The following DNAJB2 variants were observed in gnomAD, a reference collection of about 807,000 sequenced individuals.
DNAJB2 encodes dnaJ homolog subfamily B member 2.
Under a neutral mutation model 33.3 loss-of-function variants are expected in DNAJB2, and 19 were observed. That is an observed-to-expected ratio of 0.57 (90% CI 0.40 to 0.84). DNAJB2 has a LOEUF of 0.84. Among genes scored for constraint, DNAJB2 ranks in the 40% least tolerant of loss-of-function variants. The pLI is 0.00. For synonymous variants in DNAJB2, 172 were observed against 164.6 expected (o/e 1.04, Z -0.34); for missense variants, 368 against 430.9 (o/e 0.85, Z 1.29).
chr2:219,282,836 G>T lies in DNAJB2; in HGVS notation c.353-1G>T. 1 of 1,572,672 alleles carries T rather than the reference G, an allele frequency of 6.4e-7. No homozygotes were observed. Among genetic ancestry groups the T allele is most frequent in the Non-Finnish European group, 8.6e-7 (1 of 1,165,088 alleles). The stretch of plus-strand genomic sequence containing the variant: ...ACTGCTAATCTGTTTACTTGTTGCA[G>T]ATGACCTGGGCCCCTTCTCAGAGCT... On this transcript the variant is annotated splice_acceptor_variant, in intron 5 of 8. Transcript: ENST00000336576. LOFTEE classifies it high-confidence loss of function.
chr2:219,284,554 G>T (rs189903351), intron 8 of DNAJB2, 78 bp from the exon 9 acceptor site: 2 of 1,509,076 alleles, frequency 1.3e-6, no homozygotes, highest in Non-Finnish European at 1.8e-6. Flanking sequence ...AGTGGTCAGG[G>T]TTGTTACTGT....
Position 219,285,556 on chromosome 2 carries a change from T to G in DNAJB2, c.*569T>G. 9.7e-7 allele frequency: 1 copy of G among 1,028,438 alleles called. No homozygotes were observed. The highest frequency in any genetic ancestry group is 1.2e-6 in the Non-Finnish European group (1 of 857,356). 63.7% of individuals were successfully genotyped at this position (1,028,438 alleles called of 1,614,324 possible). ...TGCAACTCCCTGCGGGCCGCATCGC[T>G]TGCTTTCACTGCCGTCTGGCTAGGA... On this transcript the variant is annotated 3_prime_UTR_variant, in exon 9 of 9. Coordinates refer to ENST00000336576, the MANE Select transcript of DNAJB2 (RefSeq NM_006736.6).
rs1325033782 is a variant in DNAJB2, at chr2:219,283,245, CCTT to C, written c.548+13_548+15del. 1 of 1,614,180 alleles carries C rather than the reference CCTT, an allele frequency of 6.2e-7. No homozygotes were observed. The highest frequency in any genetic ancestry group is 2.2e-5 in the East Asian group (1 of 44,886). ...GCATCACCACACGCAGGTGAGAGCT[CCTT>C]CTGGGGCCATAGAGGGGTGAGAGGT... On this transcript the variant is annotated intron_variant, in intron 7 of 8. Coordinates refer to ENST00000336576, the MANE Select transcript of DNAJB2 (RefSeq NM_006736.6).
chr2:219,282,959 G>C (rs889351519), intron 6 of DNAJB2, 30 bp downstream of exon 6: 2 of 1,566,216 alleles, frequency 1.3e-6, no homozygotes, highest in African/African-American at 2.7e-5. Flanking sequence ...ACGTTTGCAA[G>C]CTCCGATTCC....
chr2:219,285,421 C>T lies in DNAJB2; in HGVS notation c.*434C>T. On this transcript the variant is annotated 3_prime_UTR_variant, in exon 9 of 9. Transcript: ENST00000336576. ...AGTGCAGGCAGAGTGGAGCCTCCTG[C>T]TCTCCTGGACCAGCTGCAGACCCCC... The T allele has an allele frequency of 9.9e-7, 1 of 1,006,704 alleles. No individual in the cohort carries two copies. Among genetic ancestry groups the T allele is most frequent in the Non-Finnish European group, 1.2e-6 (1 of 843,850 alleles). The allele number at this position is 1,006,704 out of a possible 1,614,324, so 62.4% of individuals were successfully genotyped here.
At chr2:219,283,013 C>G in intron 6 of DNAJB2, 84 bp downstream of exon 6, 1 of 1,572,722 alleles carries the variant, frequency 6.4e-7, no homozygotes, top group Admixed American at 1.8e-5. Context: ...AGCCTGTCTC[C>G]TGTGTTGGGA....
At chr2:219,280,014 G>C (rs1233456338) in intron 2 of DNAJB2, 116 bp downstream of exon 2, 1 of 1,158,424 alleles carries the variant, frequency 8.6e-7, no homozygotes, top group Non-Finnish European at 1.2e-6. Context: ...GAAAGCACTG[G>C]GGTGCTTCTT....
At chr2:219,281,078 T>C (rs139341088) in intron 3 of DNAJB2, 70 of 215,742 alleles carry the variant, frequency 3.2e-4, no homozygotes, top group African/African-American at 1.5e-3. Flanking sequence ...AGCTGGAATA[T>C]GAATCCAGGT....
intron 3 of DNAJB2, chr2:219,280,927 C>T: frequency 1.9e-6 from 1 of 512,874 alleles, no homozygotes; most frequent in Non-Finnish European, 3.5e-6. Flanking sequence ...GTGAGCTGAG[C>T]CTCCTGCGTG....
rs764178720 is a variant in DNAJB2 at position 219,283,432 on chromosome 2, G to A, written c.562G>A (p.Gly188Arg). 6.2e-6 allele frequency: 10 copies of A among 1,613,940 alleles called. No homozygotes were observed. Among genetic ancestry groups the A allele is most frequent in the Middle Eastern group, 3.3e-4 (2 of 6,084 alleles). The change falls in exon 8 of 9, where the codon GGG becomes AGG. Residue 188 changes from glycine (G) to arginine (R), a missense_variant. Transcript: ENST00000336576. The part of the protein sequence containing the change: ...RITTRRIMEN[G>R]QERVEVEEDG... Reference sequence around the variant, plus strand: ...TGTCTCCCACAGAATCATGGAGAACGGGCAGGAGCGGGTGGAAGTGGAGGA... The same window carrying A: ...TGTCTCCCACAGAATCATGGAGAACAGGCAGGAGCGGGTGGAAGTGGAGGA...
chr2:219,282,631 C>A, intron 5 of DNAJB2: 1 of 493,986 alleles, frequency 2.0e-6, no homozygotes, highest in Non-Finnish European at 3.5e-6. Context: ...TCCTTCCTTC[C>A]TTTATTCTTT....
Position 219,285,851 on chromosome 2 carries a change from C to A in DNAJB2, c.*864C>A. On this transcript the variant is annotated 3_prime_UTR_variant, in exon 9 of 9. Transcript: ENST00000336576. ...AGGGAGGCCTAGGAGGGGACTGCAC[C>A]CATACTGCTTCCCTACCACAAATCA... 1 of 1,482,928 alleles carries A rather than the reference C, an allele frequency of 6.7e-7. No homozygotes were observed. Among genetic ancestry groups the A allele is most frequent in the Non-Finnish European group, 9.0e-7 (1 of 1,116,004 alleles). 91.9% of individuals were successfully genotyped at this position (1,482,928 alleles called of 1,614,324 possible).
chr2:219,282,368 C>T (rs1266362902), intron 5 of DNAJB2: 2 of 438,558 alleles, frequency 4.6e-6, no homozygotes, highest in Non-Finnish European at 8.2e-6. Flanking sequence ...GTTATTATTA[C>T]CTATAAAACA....
chr2:219,284,054 A>C (rs1951930771), intron 8 of DNAJB2, among the ~76,000 whole-genome samples: 1 of 152,188 alleles, frequency 6.6e-6, no homozygotes, highest in Admixed American at 6.5e-5. Context: ...ATATTTAATC[A>C]TTGGAACAAT....
Position 219,286,174 on chromosome 2 carries a change from T to G in DNAJB2, c.*1187T>G. ...CAGTAGTCTTAGCCTGTGCACTCTC[T>G]TCCTTGGGTGTTTGGTGCTGGCTCC... On this transcript the variant is annotated 3_prime_UTR_variant, in exon 9 of 9. Transcript: ENST00000336576. 1 of 737,074 alleles carries G rather than the reference T, an allele frequency of 1.4e-6. No individual in the cohort carries two copies. The highest frequency in any genetic ancestry group is 2.1e-6 in the Non-Finnish European group (1 of 465,492). The allele number at this position is 737,074 out of a possible 1,614,324, so 45.7% of individuals were successfully genotyped here.
rs763591754 is a variant in DNAJB2, at chr2:219,282,032, G to C, written c.323G>C (p.Gly108Ala). 6 of 1,614,056 alleles carry C rather than the reference G, an allele frequency of 3.7e-6. No homozygotes were observed. In the East Asian group the frequency reaches 1.3e-4, roughly 36 times the overall value. The change falls in exon 5 of 9, where the codon GGG becomes GCG. Residue 108 changes from glycine (G) to alanine (A), a missense_variant. Gly to Ala is a moderately conservative substitution (Grantham distance 60). Transcript: ENST00000336576. ...GAGGAGGTCTTCCGGGAATTCTTTG[G>C]GAGTGGAGACCCTTTTGCAGAGCTC... is the stretch of plus-strand genomic sequence containing the variant. ...SPEEVFREFF[G>A]SGDPFAELFD...
chr2:219,281,818 GA>G (rs1951907191), intron 4 of DNAJB2, 47 bp downstream of exon 4: 6 of 1,613,620 alleles, frequency 3.7e-6, no homozygotes, highest in Non-Finnish European at 5.1e-6. Context: ...GCAGGGAGGA[GA>G]GGGGCAGGGC....
At chr2:219,280,900 C>A in intron 3 of DNAJB2, 1 of 565,946 alleles carries the variant, frequency 1.8e-6, no homozygotes, top group Non-Finnish European at 3.1e-6. Flanking sequence ...GGGAAGGAAG[C>A]AGGGCAGGTA....
Position 219,285,744 on chromosome 2 carries a change from T to C in DNAJB2, c.*757T>C, listed in dbSNP as rs1951949798. Reference sequence around the variant, plus strand: ...CCCACTCCTCCTCCCTCTCGTTGCCTCAGCCTGCCCTCACCCTCAGGACTA... The same window carrying C: ...CCCACTCCTCCTCCCTCTCGTTGCCCCAGCCTGCCCTCACCCTCAGGACTA... On this transcript the variant is annotated 3_prime_UTR_variant, in exon 9 of 9. Coordinates refer to ENST00000336576, the MANE Select transcript of DNAJB2 (RefSeq NM_006736.6). 2 of 1,276,442 alleles carry C rather than the reference T, an allele frequency of 1.6e-6. No individual in the cohort carries two copies. Among genetic ancestry groups the C allele is most frequent in the African/African-American group, 1.5e-5 (1 of 66,930 alleles). 79.1% of individuals were successfully genotyped at this position (1,276,442 alleles called of 1,614,324 possible).
Sources: allele counts gnomAD v4.1 joint callset (sites outside exome capture counted in the v4.1 genomes callset), GRCh38; gene constraint gnomAD v4.1.1; transcripts MANE v1.5; gene names NCBI Gene and HGNC (gene_info 2026-07-23, HGNC 2026-07-21).